PLSCR2: variants seen among roughly 807,000 people sequenced by gnomAD.
The protein encoded by PLSCR2 is phospholipid scramblase 2.
In PLSCR2, 18 loss-of-function variants were observed where a neutral mutation model predicts 25.3. The ratio of observed to expected loss-of-function variants is 0.71; its 90% CI spans 0.49 to 1.06. The LOEUF is 1.06. PLSCR2 is among the 50% of genes least tolerant of loss of function. The pLI is 0.00. For synonymous variants in PLSCR2, 88 were observed against 87.3 expected, an observed-to-expected ratio of 1.01 and a Z score of -0.04; for missense variants, 243 against 269.5, an observed-to-expected ratio of 0.90 and a Z score of 0.69.
At chr3:146,420,875 A>G (rs1332075855) in intron 2 of PLSCR2, among the ~76,000 whole-genome samples, 1 of 152,086 alleles carries the variant, frequency 6.6e-6, no homozygotes, top group Non-Finnish European at 1.5e-5. Context: ...CATACATACA[A>G]AAAAGATTCG....
At chr3:146,470,524 GGA>G (rs1355028687) in intron 1 of PLSCR2, among the ~76,000 whole-genome samples, 1 of 152,074 alleles carries the variant, frequency 6.6e-6, no homozygotes, top group African/African-American at 2.4e-5. Context: ...CTCCAGCCTG[GGA>G]GAGAGAGCAA....
intron 2 of PLSCR2, among the ~76,000 whole-genome samples, chr3:146,408,245 T>C (rs576210189): frequency 5.9e-5 from 9 of 152,286 alleles, no homozygotes; most frequent in African/African-American, 2.2e-4. Context: ...TGGGCAACTC[T>C]AGGGTCTTAA....
intron 2 of PLSCR2, among the ~76,000 whole-genome samples, 181 bp from the exon 3 acceptor site, chr3:146,458,634 C>T: frequency 6.6e-6 from 1 of 151,790 alleles, no homozygotes; most frequent in Non-Finnish European, 1.5e-5. Flanking sequence ...ATTAAAAATG[C>T]TGTATGTTTA....
intron 2 of PLSCR2, among the ~76,000 whole-genome samples, chr3:146,411,628 GA>G (rs2038854777): frequency 6.6e-6 from 1 of 152,180 alleles, no homozygotes; most frequent in Non-Finnish European, 1.5e-5. Flanking sequence ...GTGAGTTAGA[GA>G]AAACGCCACA....
chr3:146,454,528 G>T (rs1355726096), intron 4 of PLSCR2, among the ~76,000 whole-genome samples: 3 of 152,150 alleles, frequency 2.0e-5, no homozygotes, highest in Non-Finnish European at 4.4e-5. Context: ...TGTTCTCACA[G>T]CAATCTGTAT....
chr3:146,438,743 G>A (rs1452385922), downstream of PLSCR2, among the ~76,000 whole-genome samples: 2 of 152,152 alleles, frequency 1.3e-5, no homozygotes, highest in Non-Finnish European at 2.9e-5. Flanking sequence ...GCCAGTCTGT[G>A]TCTTTTAATT....
chr3:146,457,218 C>T (rs1038784853), intron 3 of PLSCR2, among the ~76,000 whole-genome samples: 6 of 152,180 alleles, frequency 3.9e-5, no homozygotes, highest in East Asian at 1.9e-4. Context: ...GTTAAAGAAA[C>T]TGCAGTATGC....
intron 8 of PLSCR2, among the ~76,000 whole-genome samples, chr3:146,434,900 C>A (rs373985793): frequency 1.3e-5 from 2 of 150,984 alleles, no homozygotes; most frequent in Admixed American, 1.3e-4. Context: ...TAGGTACATC[C>A]CCTAATGCTA....
intron 1 of PLSCR2, among the ~76,000 whole-genome samples, chr3:146,479,370 A>G (rs963454810): frequency 2.0e-5 from 3 of 152,332 alleles, no homozygotes; most frequent in Non-Finnish European, 2.9e-5. Context: ...AGACACACAT[A>G]GGCTCAAAAT....
chr3:146,463,735 A>G, upstream of PLSCR2: 3 of 342,344 alleles, frequency 8.8e-6, no homozygotes, highest in Non-Finnish European at 1.2e-5. Context: ...CCTTTTACCA[A>G]CTCCTCCTAC....
At chr3:146,403,994 T>G (rs559662897) in intron 2 of PLSCR2, among the ~76,000 whole-genome samples, 52 of 152,150 alleles carry the variant, frequency 3.4e-4, no homozygotes, top group Admixed American at 1.6e-3. Flanking sequence ...CCCTGACTCA[T>G]TTCATAACCA....
chr3:146,468,691 T>G (rs1000855658), intron 1 of PLSCR2, among the ~76,000 whole-genome samples: 1 of 152,188 alleles, frequency 6.6e-6, no homozygotes, highest in Non-Finnish European at 1.5e-5. Flanking sequence ...TCTTTATAAA[T>G]GAGAAAACTA....
chr3:146,440,399 T>C (rs542496121), downstream of PLSCR2, among the ~76,000 whole-genome samples: 2 of 152,336 alleles, frequency 1.3e-5, no homozygotes, highest in South Asian at 4.1e-4. Flanking sequence ...CAGATGGGGC[T>C]CCTTGAGCTG....
At chr3:146,467,496 C>T (rs917508415) in intron 1 of PLSCR2, among the ~76,000 whole-genome samples, 5 of 151,958 alleles carry the variant, frequency 3.3e-5, no homozygotes, top group Non-Finnish European at 7.4e-5. Flanking sequence ...TTCAAGGAAT[C>T]TTAACCAAAG....
At chr3:146,464,685 T>C (rs2041780958), upstream of PLSCR2, among the ~76,000 whole-genome samples, 1 of 152,226 alleles carries the variant, frequency 6.6e-6, no homozygotes, top group African/African-American at 2.4e-5. Context: ...TACACACTTC[T>C]TTCTAACTCT....
At chr3:146,440,432 G>C (rs1000090602), downstream of PLSCR2, among the ~76,000 whole-genome samples, 4 of 152,204 alleles carry the variant, frequency 2.6e-5, no homozygotes, top group African/African-American at 9.7e-5. Context: ...CCCAGTTTGA[G>C]CTTCTTGGCT....
upstream of PLSCR2, among the ~76,000 whole-genome samples, chr3:146,464,841 G>A (rs529894311): frequency 6.6e-5 from 10 of 152,308 alleles, no homozygotes; most frequent in African/African-American, 2.4e-4. Flanking sequence ...CACTCAGGGA[G>A]AGGGAGAAAT....
At chr3:146,473,303 CT>C (rs35755415) in intron 1 of PLSCR2, among the ~76,000 whole-genome samples, 4,911 of 121,250 alleles carry the variant, frequency 0.041, 113 homozygotes, top group Middle Eastern at 0.14. Flanking sequence ...AAAGTACTAT[CT>C]TTTTTTTTTT....
intron 1 of PLSCR2, chr3:146,495,810 G>T: frequency 9.7e-7 from 1 of 1,028,472 alleles, no homozygotes. Flanking sequence ...AGGAACATAT[G>T]CATAAACAAA....
Sources: gnomAD v4.1 joint callset for allele counts (sites outside exome capture counted in the v4.1 genomes callset) on GRCh38, gnomAD v4.1.1 for gene constraint, MANE v1.5 for transcripts, NCBI Gene and HGNC (gene_info 2026-07-23, HGNC 2026-07-21) for gene names.